Variants in FAT1 observed in about 807,000 individuals in gnomAD.
FAT1 encodes FAT atypical cadherin 1.
In FAT1, 171 loss-of-function variants were observed where a neutral mutation model predicts 329.8. The ratio of observed to expected loss-of-function variants is 0.52; its 90% CI spans 0.46 to 0.59. The LOEUF (loss-of-function observed/expected upper bound fraction) is 0.59. Among genes scored for constraint, FAT1 ranks in the 20% least tolerant of loss-of-function variants. The pLI, the probability that FAT1 is intolerant of heterozygous loss-of-function variation, is 0.00. For missense variants in FAT1, 5,672 were observed against 5,774.4 expected, an observed-to-expected ratio of 0.98 and a Z score of 0.57; for synonymous variants, 2,233 against 2,228.6, an observed-to-expected ratio of 1.00 and a Z score of -0.06.
At position 186,593,167 on chromosome 4, in the gene FAT1, C is replaced by CA. The variant is rs202084036; in HGVS notation, c.13138+2521dup. Among the ~76,000 whole-genome samples the CA allele has an allele frequency of 4.7e-3, 706 of 151,826 alleles. 5 individuals are homozygous for CA. The highest frequency in any genetic ancestry group is 0.016 in the African/African-American group (671 of 41,400). Reference sequence around the variant, plus strand: ...GCTTAATCACTCACACATTGTCCCCCAAAAAAAAGAAATTGAAGGAGAAAC... The same window carrying CA: ...GCTTAATCACTCACACATTGTCCCCCAAAAAAAAAGAAATTGAAGGAGAAAC... On this transcript the variant is annotated intron_variant, in intron 26 of 26. Coordinates refer to ENST00000441802, the MANE Select transcript of FAT1 (RefSeq NM_005245.4).
At chr4:186,719,952 T>C (rs539949473) in intron 1 of FAT1, among the ~76,000 whole-genome samples, 19 of 152,344 alleles carry the variant, frequency 1.2e-4, no homozygotes, top group African/African-American at 4.1e-4. Flanking sequence ...CTTGAAAATA[T>C]TCAGTATTTC....
intron 2 of FAT1, among the ~76,000 whole-genome samples, chr4:186,686,060 C>A (rs140756749): frequency 1.8e-4 from 28 of 152,300 alleles, no homozygotes; most frequent in Middle Eastern, 6.8e-3. Context: ...GCCTGAAGAG[C>A]TGTAATCAAC....
intron 17 of FAT1, among the ~76,000 whole-genome samples, chr4:186,605,571 A>AG (rs1243842819): frequency 3.1e-5 from 1 of 32,486 alleles, no homozygotes; most frequent in African/African-American, 1.2e-4. Flanking sequence ...AGGTGGAGGG[A>AG]GGGGGGAGGA....
chr4:186,623,577 T>C (rs192976538), intron 9 of FAT1, among the ~76,000 whole-genome samples: 4 of 152,354 alleles, frequency 2.6e-5, no homozygotes, highest in Middle Eastern at 3.4e-3. Context: ...GCTTCAAATA[T>C]GCAAGGCCTC....
intron 2 of FAT1, among the ~76,000 whole-genome samples, chr4:186,679,827 A>G (rs1053005357): frequency 2.0e-5 from 3 of 152,338 alleles, no homozygotes; most frequent in Admixed American, 6.5e-5. Context: ...AAGCAATCGT[A>G]TATTTTTTCC....
intron 2 of FAT1, among the ~76,000 whole-genome samples, chr4:186,696,377 T>A (rs1407306632): frequency 6.6e-6 from 1 of 152,172 alleles, no homozygotes; most frequent in Non-Finnish European, 1.5e-5. Flanking sequence ...GGTATTTACA[T>A]GACAAACCCG....
At chr4:186,670,953 T>A (rs936086195) in intron 2 of FAT1, among the ~76,000 whole-genome samples, 3 of 152,144 alleles carry the variant, frequency 2.0e-5, no homozygotes, top group Non-Finnish European at 2.9e-5. Context: ...TCTTTAATTG[T>A]AACATCTTAC....
chr4:186,672,031 ACTTTC>A (rs1742754782), intron 2 of FAT1, among the ~76,000 whole-genome samples: 1 of 152,200 alleles, frequency 6.6e-6, no homozygotes. Flanking sequence ...AACATTTGTT[ACTTTC>A]CTTTCACCTG....
chr4:186,613,019 T>C (rs185537279), intron 13 of FAT1, 90 bp downstream of exon 13: 31 of 771,946 alleles, frequency 4.0e-5, no homozygotes, highest in African/African-American at 1.2e-4. Context: ...GTGGAGTGAG[T>C]GGCACAGGCT....
intron 3 of FAT1, among the ~76,000 whole-genome samples, chr4:186,645,392 T>A (rs1431196324): frequency 1.0e-5 from 1 of 96,046 alleles, no homozygotes; most frequent in African/African-American, 4.1e-5. Flanking sequence ...TATATATATA[T>A]ATATATATAT....
rs1249944132 is a variant in FAT1 at position 186,602,993 on chromosome 4, G to C, written c.11392C>G (p.Pro3798Ala). ...PPVHHGCEDD[P>A]CPEGSECVSD... is the part of the protein sequence containing the mutation. The stretch of plus-strand genomic sequence containing the variant: ...ACACATTCGGATCCCTCAGGGCACG[G>C]ATCATCTTCACAGCCATGGTGGACA... Residue 3798 changes from proline (P) to alanine (A), a missense_variant, in exon 20 of 27, where the codon CCG (proline) becomes GCG (alanine). Coordinates refer to ENST00000441802, the MANE Select transcript of FAT1 (RefSeq NM_005245.4). The C allele has an allele frequency of 1.9e-6, 3 of 1,613,966 alleles. No homozygotes were observed. The highest frequency in any genetic ancestry group is 2.5e-6 in the Non-Finnish European group (3 of 1,179,892).
At position 186,628,311 on chromosome 4, in the gene FAT1, A is replaced by G. The variant is rs1579350381; in HGVS notation, c.4653T>C (p.Asn1551=). The change falls in exon 9 of 27, where the codon AAT becomes AAC. Residue 1551 remains asparagine (N), a synonymous_variant. Transcript: ENST00000441802. ...VKRNFARIVV[N]VSDTNDHAPW... ...GGGCGTGGTCATTCGTGTCGCTGACATTGACCACAATCCTTGCAAAGTTGC... is the reference window on the plus strand; with the variant it reads ...GGGCGTGGTCATTCGTGTCGCTGACGTTGACCACAATCCTTGCAAAGTTGC... 6.2e-7 allele frequency: 1 copy of G among 1,613,602 alleles called. No homozygotes were observed. Among genetic ancestry groups the G allele is most frequent in the South Asian group, 1.1e-5 (1 of 90,974 alleles).
Position 186,708,984 on chromosome 4 carries a change from C to A in FAT1, c.844G>T (p.Asp282Tyr), listed in dbSNP as rs781077372. The A allele has an allele frequency of 5.0e-6, 8 of 1,614,000 alleles. No homozygotes were observed. Among genetic ancestry groups the A allele is most frequent in the African/African-American group, 2.7e-5 (2 of 75,044 alleles). The change falls in exon 2 of 27, where the codon GAT becomes TAT. Residue 282 changes from aspartate to tyrosine, a missense_variant. Physicochemically the swap from Asp to Tyr is radical, Grantham distance 160. Transcript: ENST00000441802. ...AYAIVTVDDC[D>Y]QGANGDIASL... is the part of the protein sequence containing the mutation. Reference sequence around the variant, plus strand: ...GCTATGTCACCATTGGCACCCTGATCGCAGTCATCCACTGTCACAATTGCA... The same window carrying A: ...GCTATGTCACCATTGGCACCCTGATAGCAGTCATCCACTGTCACAATTGCA...
At chr4:186,721,690 G>A (rs983459346) in intron 1 of FAT1, among the ~76,000 whole-genome samples, 1 of 151,894 alleles carries the variant, frequency 6.6e-6, no homozygotes, top group African/African-American at 2.4e-5. Flanking sequence ...AGCGGGTAAA[G>A]TGTTAAAACA....
chr4:186,672,691 C>T (rs573253811), intron 2 of FAT1, among the ~76,000 whole-genome samples: 1 of 152,170 alleles, frequency 6.6e-6, no homozygotes, highest in Admixed American at 6.5e-5. Flanking sequence ...AGAAAGGAAA[C>T]AGACAGTACA....
intron 2 of FAT1, among the ~76,000 whole-genome samples, chr4:186,705,794 C>T (rs1362693157): frequency 6.6e-6 from 1 of 152,218 alleles, no homozygotes; most frequent in Non-Finnish European, 1.5e-5. Context: ...GGTTTCAGAA[C>T]CTTCAGTATT....
At chr4:186,635,213 A>G (rs1421317810) in intron 6 of FAT1, among the ~76,000 whole-genome samples, 1 of 152,234 alleles carries the variant, frequency 6.6e-6, no homozygotes, top group Non-Finnish European at 1.5e-5. Flanking sequence ...TAAGGGGCAG[A>G]AGGGGAAAAA....
chr4:186,609,798 C>T lies in FAT1; in HGVS notation c.10068+3G>A, dbSNP rs746019989. 12 of 1,604,358 alleles carry T rather than the reference C, an allele frequency of 7.5e-6. No individual in the cohort carries two copies. The African/African-American group carries it at 1.6e-4, about 21-fold the overall frequency. ...TTCACTGTAATGGGGAAAAAATACA[C>T]ACCGTGATGACAGACTGCTCAAGAA... On this transcript the variant is annotated splice_donor_region_variant and intron_variant, in intron 15 of 26. Transcript: ENST00000441802.
At chr4:186,656,775 A>T (rs539317036) in intron 3 of FAT1, among the ~76,000 whole-genome samples, 3 of 152,352 alleles carry the variant, frequency 2.0e-5, no homozygotes, top group Admixed American at 6.5e-5. Context: ...TTCGATTTAA[A>T]ATAAACCTAG....
Sources: gnomAD v4.1 joint callset for allele counts (sites outside exome capture counted in the v4.1 genomes callset) on GRCh38, gnomAD v4.1.1 for gene constraint, MANE v1.5 for transcripts, NCBI Gene and HGNC (gene_info 2026-07-23, HGNC 2026-07-21) for gene names.